Variants in KDM4B observed in about 807,000 individuals in gnomAD.
KDM4B encodes lysine demethylase 4B, also known as lysine-specific demethylase 4B.
KDM4B carries 32 observed loss-of-function variants against 125.2 expected under a neutral mutation model. The ratio of observed to expected loss-of-function variants is 0.26; its 90% confidence interval spans 0.19 to 0.34. KDM4B has a LOEUF of 0.34. Among genes scored for constraint, KDM4B ranks in the 10% least tolerant of loss-of-function variants. KDM4B has a pLI of 1.00. For synonymous variants in KDM4B, 721 were observed against 677.9 expected, an observed-to-expected ratio of 1.06 and a Z score of -0.99; for missense variants, 1,190 against 1,577.7, an observed-to-expected ratio of 0.75 and a Z score of 4.16.
At chr19:4,986,308 G>T (rs949223811) in intron 1 of KDM4B, among the ~76,000 whole-genome samples, 1 of 152,254 alleles carries the variant, frequency 6.6e-6, no homozygotes, top group Non-Finnish European at 1.5e-5. Flanking sequence ...AACTCTGTCA[G>T]TGCCACTGAC....
At chr19:5,131,037 C>G (rs374351829) in intron 11 of KDM4B, 39 bp from the exon 12 acceptor site, 1 of 1,424,172 alleles carries the variant, frequency 7.0e-7, no homozygotes, top group East Asian at 2.4e-5. Context: ...CACTTGAGCC[C>G]GGGTTCTCCT....
At chr19:5,038,036 G>A (rs2036684639) in intron 3 of KDM4B, among the ~76,000 whole-genome samples, 1 of 152,280 alleles carries the variant, frequency 6.6e-6, no homozygotes, top group Non-Finnish European at 1.5e-5. Context: ...GAAGCTGCCA[G>A]CGATGCAGGC....
chr19:5,016,959 C>A (rs982119545), intron 2 of KDM4B, among the ~76,000 whole-genome samples: 3 of 152,162 alleles, frequency 2.0e-5, no homozygotes, highest in Non-Finnish European at 4.4e-5. Context: ...CCCGGGTGAC[C>A]CAGTGGAGGG....
intron 2 of KDM4B, among the ~76,000 whole-genome samples, chr19:5,025,891 T>G (rs2036262682): frequency 6.6e-6 from 1 of 152,042 alleles, no homozygotes; most frequent in South Asian, 2.1e-4. Flanking sequence ...TTTTACTTAT[T>G]AATTTTTTTT....
rs73919747 is a variant in KDM4B at position 5,115,244 on chromosome 19, C to T, written c.1116-4409C>T. Among the ~76,000 whole-genome samples the T allele has an allele frequency of 0.011, 1,647 of 152,232 alleles. 40 individuals carry two copies. Among genetic ancestry groups the T allele is most frequent in the African/African-American group, 0.037 (1,554 of 41,520 alleles). ...TGTACCACGGGGCCTCAGAAAGACACAGCGGGCAAACATGGGCAGCCCCTG... is the reference window on the plus strand; with the variant it reads ...TGTACCACGGGGCCTCAGAAAGACATAGCGGGCAAACATGGGCAGCCCCTG... On this transcript the variant is annotated intron_variant, in intron 10 of 22. Coordinates refer to ENST00000159111, the MANE Select transcript of KDM4B (RefSeq NM_015015.3). This position sits in a 1 kb window ranked among gnomAD's most constrained non-coding sequence, Gnocchi z 4.2.
intron 1 of KDM4B, among the ~76,000 whole-genome samples, chr19:4,984,869 G>T (rs1239185463): frequency 6.6e-6 from 1 of 152,164 alleles, no homozygotes; most frequent in Non-Finnish European, 1.5e-5. Context: ...TCTGGCACCT[G>T]CTCCGTGAAA....
chr19:5,120,260 A>G (rs1322996805), intron 11 of KDM4B, among the ~76,000 whole-genome samples: 1 of 152,232 alleles, frequency 6.6e-6, no homozygotes, highest in Admixed American at 6.5e-5. Flanking sequence ...TTGAGGCCGT[A>G]GTGAGCCGTG....
chr19:5,091,823 C>G (rs1472057473), intron 9 of KDM4B, among the ~76,000 whole-genome samples: 1 of 152,162 alleles, frequency 6.6e-6, no homozygotes, highest in Non-Finnish European at 1.5e-5. Context: ...CCCGCTGGAG[C>G]CCACGGCTGG....
chr19:5,068,156 A>G (rs1289641713), intron 6 of KDM4B, among the ~76,000 whole-genome samples: 1 of 149,042 alleles, frequency 6.7e-6, no homozygotes, highest in East Asian at 2.0e-4. Flanking sequence ...CATGGCCCCG[A>G]GCAGGGACTA....
chr19:5,128,840 A>G (rs1329052671), intron 11 of KDM4B, among the ~76,000 whole-genome samples: 6 of 127,174 alleles, frequency 4.7e-5, no homozygotes, highest in Non-Finnish European at 8.2e-5. Flanking sequence ...GAGGGGCCAG[A>G]TAACAGTGGA....
chr19:5,023,640 C>G (rs992669377), intron 2 of KDM4B, among the ~76,000 whole-genome samples: 1 of 152,024 alleles, frequency 6.6e-6, no homozygotes, highest in African/African-American at 2.4e-5. Context: ...CCTCCTGGGA[C>G]AGGGACCAGT....
chr19:5,056,909 AGTCCTGGGG>A, intron 6 of KDM4B, among the ~76,000 whole-genome samples: 1 of 148,542 alleles, frequency 6.7e-6, no homozygotes, highest in East Asian at 2.0e-4. Context: ...TGGGGCGGGG[AGTCCTGGGG>A]TGTCTAGAGC....
intron 10 of KDM4B, among the ~76,000 whole-genome samples, chr19:5,117,396 G>A (rs964739946): frequency 2.0e-5 from 3 of 152,066 alleles, no homozygotes; most frequent in Non-Finnish European, 2.9e-5. Flanking sequence ...CCAGGTGAGC[G>A]GCATGGGAGG....
At chr19:4,973,720 G>A (rs552766900) in intron 1 of KDM4B, among the ~76,000 whole-genome samples, 1 of 152,028 alleles carries the variant, frequency 6.6e-6, no homozygotes, top group African/African-American at 2.4e-5. Context: ...CCCTTGAGGA[G>A]CTCGGAAAAT....
At chr19:5,139,019 C>T (rs1381470387) in intron 18 of KDM4B, among the ~76,000 whole-genome samples, 1 of 152,174 alleles carries the variant, frequency 6.6e-6, no homozygotes, top group Non-Finnish European at 1.5e-5. Flanking sequence ...AACTCCTGGG[C>T]TCAAGCGATC....
chr19:5,086,579 G>C (rs112842809), intron 9 of KDM4B, among the ~76,000 whole-genome samples: 6,229 of 152,280 alleles, frequency 0.041, 193 homozygotes, highest in Non-Finnish European at 0.068. Context: ...GGCCCTTGCA[G>C]GGGAAGCCTG....
rs66494608 is a variant in KDM4B at position 4,973,824 on chromosome 19, T to TA, written c.-109+4615dup. 5.7e-3 allele frequency among the ~76,000 whole-genome samples: 761 copies of TA among 132,384 alleles called. 3 individuals carry two copies. The highest frequency in any genetic ancestry group is 0.01 in the South Asian group (43 of 4,096). 86.8% of individuals were successfully genotyped at this position (132,384 alleles called of 152,430 possible). A position where few individuals can be genotyped will look rare whatever the true frequency, so the allele number is the denominator to read the frequency against. ...AACTGCTCTCTGAAACAAAGCATAT[T>TA]AAAAAAAAAAAAAAAAAAAAACTGG... On this transcript the variant is annotated intron_variant, in intron 1 of 22. Transcript: ENST00000159111.
chr19:4,981,429 T>G (rs1350922342), intron 1 of KDM4B, among the ~76,000 whole-genome samples: 3 of 152,150 alleles, frequency 2.0e-5, no homozygotes, highest in South Asian at 2.1e-4. Context: ...GAATCCAGCC[T>G]GGGGTTGGAG....
chr19:5,110,854 C>G, intron 10 of KDM4B, 36 bp downstream of exon 10: 1 of 1,499,154 alleles, frequency 6.7e-7, no homozygotes, highest in Non-Finnish European at 8.9e-7. Flanking sequence ...GACTGCCCAG[C>G]ATCACGGGGG....
Sources: gnomAD v4.1 joint callset for allele counts (sites outside exome capture counted in the v4.1 genomes callset) on GRCh38, gnomAD v4.1.1 for gene constraint, Gnocchi (gnomAD v3.1) non-coding constraint, MANE v1.5 for transcripts, NCBI Gene and HGNC (gene_info 2026-07-23, HGNC 2026-07-21) for gene names.